Variants in CLIP4 observed in about 807,000 individuals in gnomAD.
CLIP4 encodes CAP-Gly domain containing linker protein family member 4, also known as CAP-Gly domain-containing linker protein 4.
A neutral mutation model predicts 73.1 loss-of-function variants in CLIP4; 47 were observed. The ratio of observed to expected loss-of-function variants is 0.64; its 90% CI spans 0.51 to 0.82. The LOEUF (loss-of-function observed/expected upper bound fraction) is 0.82, where lower values mean the gene tolerates loss of function less well. Ranked by LOEUF, CLIP4 falls within the 40% of genes least tolerant of loss-of-function variation. The pLI is 0.00. For synonymous variants in CLIP4, 306 were observed against 295.4 expected (o/e 1.04, Z -0.37); for missense variants, 874 against 852.9 (o/e 1.02, Z -0.31).
intron 15 of CLIP4, among the ~76,000 whole-genome samples, chr2:29,178,213 T>A (rs1347564025): frequency 6.6e-6 from 1 of 151,702 alleles, no homozygotes; most frequent in Non-Finnish European, 1.5e-5. Context: ...AGAGTTTCGC[T>A]CTTGTTGCCC....
At chr2:29,150,214 T>C (rs1666461465) in intron 8 of CLIP4, among the ~76,000 whole-genome samples, 2 of 152,128 alleles carry the variant, frequency 1.3e-5, no homozygotes, top group African/African-American at 4.8e-5. Context: ...CCATCCCACT[T>C]TGTTAGGGGG....
chr2:29,143,661 A>G (rs750892613), intron 6 of CLIP4, 48 bp from the exon 7 acceptor site: 95 of 1,213,058 alleles, frequency 7.8e-5, no homozygotes, highest in Middle Eastern at 7.8e-4. Context: ...ATGACTTTCT[A>G]GTGCTCTAAG....
At chr2:29,161,875 A>G (rs1667314713) in intron 12 of CLIP4, among the ~76,000 whole-genome samples, 2 of 152,174 alleles carry the variant, frequency 1.3e-5, no homozygotes, top group Non-Finnish European at 2.9e-5. Context: ...GCCTCTACCC[A>G]TAAGACATGC....
At chr2:29,151,410 C>T (rs1666556039) in intron 8 of CLIP4, among the ~76,000 whole-genome samples, 3 of 151,762 alleles carry the variant, frequency 2.0e-5, no homozygotes, top group African/African-American at 7.3e-5. Context: ...TATCACCAGG[C>T]TTGAGAGAGA....
In CLIP4 at chr2:29,167,538, C is replaced by A. The variant is rs1403228688; in HGVS notation, c.1721C>A (p.Pro574His). The stretch of plus-strand genomic sequence containing the variant: ...TCAAATAAACAGAACCATTCTTATC[C>A]TGGTAAGACTACACAGTTTTGTGTT... The part of the protein sequence containing the change: ...ISSNKQNHSY[P>H]GFRRSFSTTS... The change falls in exon 14 of 16, where the codon CCT becomes CAT. Residue 574 changes from proline to histidine, a missense_variant and splice_region_variant. Transcript: ENST00000320081. The A allele has an allele frequency of 5.0e-6, 8 of 1,596,970 alleles. No individual in the cohort carries two copies. The Admixed American group carries it at 1.4e-4, about 28-fold the overall frequency.
chr2:29,117,815 G>C (rs936983050), intron 1 of CLIP4, among the ~76,000 whole-genome samples: 5 of 152,168 alleles, frequency 3.3e-5, no homozygotes, highest in Non-Finnish European at 5.9e-5. Context: ...ATCAACACTA[G>C]GCTGTAATTT....
intron 6 of CLIP4, among the ~76,000 whole-genome samples, chr2:29,140,926 G>A (rs559625391): frequency 3.9e-5 from 6 of 152,262 alleles, no homozygotes; most frequent in Non-Finnish European, 7.4e-5. Context: ...TAGGTGCAAT[G>A]TTAGGTTGTT....
At chr2:29,130,109 A>G (rs1387082371) in intron 2 of CLIP4, 1 of 470,112 alleles carries the variant, frequency 2.1e-6, no homozygotes, top group African/African-American at 2.0e-5. Context: ...AGGAGAGCTC[A>G]GATTCAAAAG....
At chr2:29,148,296 A>G (rs1666307170) in intron 8 of CLIP4, among the ~76,000 whole-genome samples, 1 of 152,200 alleles carries the variant, frequency 6.6e-6, no homozygotes, top group South Asian at 2.1e-4. Context: ...CTCTTTCCAA[A>G]TCTATCATCT....
chr2:29,160,238 T>C, intron 11 of CLIP4, 95 bp from the exon 12 acceptor site: 1 of 1,497,412 alleles, frequency 6.7e-7, no homozygotes, highest in East Asian at 2.3e-5. Context: ...ATACCTAGTG[T>C]GATTTTTTGG....
chr2:29,117,009 A>C (rs1341826993), intron 1 of CLIP4, among the ~76,000 whole-genome samples: 1 of 152,174 alleles, frequency 6.6e-6, no homozygotes, highest in Admixed American at 6.5e-5. Flanking sequence ...TCAAACCTCA[A>C]ACTCTGGTTA....
intron 14 of CLIP4, among the ~76,000 whole-genome samples, chr2:29,169,962 T>C (rs56066416): frequency 0.19 from 28,557 of 152,034 alleles, 3,532 homozygotes; most frequent in Non-Finnish European, 0.28. Context: ...CTCTCTACCT[T>C]CACAAGATCC....
chr2:29,123,750 T>C (rs1326908041), intron 2 of CLIP4, among the ~76,000 whole-genome samples: 2 of 152,190 alleles, frequency 1.3e-5, no homozygotes, highest in Non-Finnish European at 2.9e-5. Context: ...CGGGGTCATG[T>C]AGGCCCCCAT....
At chr2:29,124,271 A>G (rs1664447611) in intron 2 of CLIP4, among the ~76,000 whole-genome samples, 1 of 152,164 alleles carries the variant, frequency 6.6e-6, no homozygotes, top group Non-Finnish European at 1.5e-5. Flanking sequence ...TGGGTTTAGA[A>G]TTATAGGTTG....
chr2:29,139,499 A>G lies in CLIP4; in HGVS notation c.648+3833A>G, dbSNP rs1297068511. Among the ~76,000 whole-genome samples the G allele has an allele frequency of 2.0e-5, 3 of 152,232 alleles. No individual in the cohort carries two copies. The East Asian group carries it at 5.8e-4, about 29-fold the overall frequency. ...ATCAAGATGATACTGCTTTCATAGA[A>G]TGAATTAGGGAGAAATCCCTCCTCC... On this transcript the variant is annotated intron_variant, in intron 6 of 15. Coordinates refer to ENST00000320081, the MANE Select transcript of CLIP4 (RefSeq NM_024692.6).
chr2:29,157,470 T>C (rs968864618), intron 11 of CLIP4, 123 bp downstream of exon 11: 1 of 1,503,318 alleles, frequency 6.7e-7, no homozygotes, highest in Non-Finnish European at 9.2e-7. Flanking sequence ...GAACTACTTT[T>C]ACTCTTCCCC....
intron 13 of CLIP4, 61 bp from the exon 14 acceptor site, chr2:29,167,415 A>T: frequency 8.5e-7 from 1 of 1,176,112 alleles, no homozygotes; most frequent in Admixed American, 2.3e-5. Flanking sequence ...CTTAGTTGAT[A>T]ACCAGTCTTA....
intron 6 of CLIP4, among the ~76,000 whole-genome samples, chr2:29,139,972 T>TC (rs1665643326): frequency 6.6e-6 from 1 of 152,126 alleles, no homozygotes; most frequent in African/African-American, 2.4e-5. Context: ...GGTTTCAGTT[T>TC]CATATAGTTG....
At chr2:29,162,075 G>A (rs936194536) in intron 12 of CLIP4, among the ~76,000 whole-genome samples, 2 of 152,110 alleles carry the variant, frequency 1.3e-5, no homozygotes, top group Non-Finnish European at 2.9e-5. Flanking sequence ...AAACTTAACC[G>A]CACAGGTAGG....
Sources: allele counts gnomAD v4.1 joint callset (sites outside exome capture counted in the v4.1 genomes callset), GRCh38; gene constraint gnomAD v4.1.1; transcripts MANE v1.5; gene names NCBI Gene and HGNC (gene_info 2026-07-23, HGNC 2026-07-21).